SNX5: variants seen among roughly 807,000 people sequenced by gnomAD.
SNX5 encodes the protein sorting nexin-5.
A neutral mutation model predicts 53.9 loss-of-function variants in SNX5; 31 were observed. The observed-to-expected ratio is 0.58, with a 90% CI of 0.43 to 0.78. The LOEUF (loss-of-function observed/expected upper bound fraction) is 0.78. SNX5 is among the 30% of genes least tolerant of loss of function. The probability of loss-of-function intolerance (pLI) is 0.00; values close to 1 mark genes in which losing one functional copy is unlikely to be tolerated. For missense variants in SNX5, 471 were observed against 478.8 expected (o/e 0.98, Z 0.15); for synonymous variants, 168 against 171.1 (o/e 0.98, Z 0.14).
chr20:17,956,015 G>A (rs930158005), intron 2 of SNX5, among the ~76,000 whole-genome samples: 4 of 152,160 alleles, frequency 2.6e-5, no homozygotes, highest in East Asian at 1.9e-4. Flanking sequence ...AGGCTCAAAC[G>A]ATCTGCCCAT....
At chr20:17,962,198 CT>C (rs71194211) in intron 1 of SNX5, 3,361 of 133,798 alleles carry the variant, frequency 0.025, 41 homozygotes, top group African/African-American at 0.06. Context: ...ATTAACTCTG[CT>C]TTTTTTTTTT....
At chr20:17,944,300 G>A (rs1243086928) in intron 11 of SNX5, 2 of 152,032 alleles carry the variant, frequency 1.3e-5, no homozygotes, top group Non-Finnish European at 2.9e-5. Context: ...AATATATATT[G>A]AAACAGCAAA....
intron 1 of SNX5, chr20:17,967,984 T>G (rs1052510372): frequency 2.5e-5 from 10 of 397,732 alleles, no homozygotes; most frequent in African/African-American, 1.9e-4. Context: ...GAGGGTATTT[T>G]GGGGGCAACA....
chr20:17,961,338 A>C (rs2035444738), intron 1 of SNX5: 2 of 985,350 alleles, frequency 2.0e-6, no homozygotes, highest in African/African-American at 3.5e-5. Context: ...TGAACAACAC[A>C]AAAGGCAAGA....
chr20:17,952,419 TTAAGC>T (rs2039583178), intron 5 of SNX5, among the ~76,000 whole-genome samples, 163 bp downstream of exon 5: 2 of 152,168 alleles, frequency 1.3e-5, no homozygotes. Flanking sequence ...AAAATTTTCT[TTAAGC>T]AGAGTTTTAC....
At position 17,947,650 on chromosome 20, in the gene SNX5, G is replaced by GA. The variant is rs1198898657; in HGVS notation, c.919-6dup. The GA allele has an allele frequency of 2.6e-5, 42 of 1,603,188 alleles. No homozygotes were observed. The highest frequency in any genetic ancestry group is 3.4e-5 in the Non-Finnish European group (40 of 1,176,604). On this transcript the variant is annotated splice_polypyrimidine_tract_variant and splice_region_variant and intron_variant, in intron 10 of 12. Transcript: ENST00000377759. ...GGTGCGTCTGTATAAGAGATCCTGG[G>GA]AAAAAAATTAACAGGTATACATACT...
chr20:17,949,387 G>A (rs766996031), intron 8 of SNX5, among the ~76,000 whole-genome samples: 6 of 152,136 alleles, frequency 3.9e-5, no homozygotes, highest in Non-Finnish European at 5.9e-5. Flanking sequence ...TGTAAACCAA[G>A]GTTGGTTTCT....
At chr20:17,953,472 A>G (rs559231718) in intron 4 of SNX5, among the ~76,000 whole-genome samples, 6 of 152,338 alleles carry the variant, frequency 3.9e-5, no homozygotes, top group African/African-American at 1.4e-4. Flanking sequence ...GTTACTGAGA[A>G]TGCTACTCTA....
chr20:17,954,753 C>T (rs2035324932), intron 3 of SNX5, among the ~76,000 whole-genome samples: 1 of 152,188 alleles, frequency 6.6e-6, no homozygotes, highest in Non-Finnish European at 1.5e-5. Context: ...CTCTGTCACC[C>T]AGGCTGGAGT....
chr20:17,944,823 GCGTGAGCCACT>G (rs2039465757), intron 11 of SNX5: 1 of 152,258 alleles, frequency 6.6e-6, no homozygotes. Context: ...GGGATTACAG[GCGTGAGCCACT>G]GCACCCAGCC....
At chr20:17,955,866 T>C (rs2035343764) in intron 2 of SNX5, among the ~76,000 whole-genome samples, 1 of 152,252 alleles carries the variant, frequency 6.6e-6, no homozygotes, top group South Asian at 2.1e-4. Flanking sequence ...GCTTCTTGGC[T>C]CACTGCAACC....
At chr20:17,968,065 G>T (rs2035586916) in intron 1 of SNX5, 1 of 398,664 alleles carries the variant, frequency 2.5e-6, no homozygotes, top group East Asian at 3.6e-5. Flanking sequence ...GCCGAGGAAA[G>T]TTTTAAAAAG....
chr20:17,946,933 T>C (rs1218244484), intron 11 of SNX5, among the ~76,000 whole-genome samples: 1 of 152,216 alleles, frequency 6.6e-6, no homozygotes, highest in Non-Finnish European at 1.5e-5. Context: ...ACTTCTATTC[T>C]GCCAGGAGCC....
chr20:17,943,050 T>A, intron 12 of SNX5, 60 bp downstream of exon 12: 2 of 1,226,784 alleles, frequency 1.6e-6, no homozygotes, highest in Non-Finnish European at 2.4e-6. Flanking sequence ...GTTAGTAAAC[T>A]GGGAAATAAC....
intron 6 of SNX5, chr20:17,951,260 G>A: frequency 2.1e-6 from 1 of 467,836 alleles, no homozygotes; most frequent in Non-Finnish European, 3.9e-6. Flanking sequence ...CCTCCTTACA[G>A]AAAAGGAGAA....
chr20:17,968,151 C>T (rs911145493), intron 1 of SNX5: 1 of 402,654 alleles, frequency 2.5e-6, no homozygotes, highest in Non-Finnish European at 4.4e-6. Flanking sequence ...TAAGGTCCCG[C>T]GTCTCTGGTT....
intron 11 of SNX5, among the ~76,000 whole-genome samples, chr20:17,946,034 T>C (rs1354441224): frequency 1.3e-5 from 2 of 152,236 alleles, no homozygotes; most frequent in Non-Finnish European, 2.9e-5. Flanking sequence ...ACATGTTCCA[T>C]GGCCCCTGAG....
intron 1 of SNX5, among the ~76,000 whole-genome samples, chr20:17,965,391 TGAG>T (rs764707559): frequency 5.2e-4 from 79 of 152,278 alleles, no homozygotes; most frequent in South Asian, 1.2e-3. Flanking sequence ...TCTCACCGAA[TGAG>T]GAGTTTACAG....
chr20:17,950,213 GA>G lies in SNX5; in HGVS notation c.716-7del. ...GATATAGTCATCGGCAACATCTGCA[GA>G]AACAAGGACAAGTCTTTTTATCCAA... On this transcript the variant is annotated splice_polypyrimidine_tract_variant and splice_region_variant and intron_variant, in intron 7 of 12. Transcript: ENST00000377759. 1 of 1,614,134 alleles carries G rather than the reference GA, an allele frequency of 6.2e-7. No individual in the cohort carries two copies. The highest frequency in any genetic ancestry group is 1.1e-5 in the South Asian group (1 of 91,086).
Sources: gnomAD v4.1 joint callset for allele counts (sites outside exome capture counted in the v4.1 genomes callset) on GRCh38, gnomAD v4.1.1 for gene constraint, MANE v1.5 for transcripts, NCBI Gene and HGNC (gene_info 2026-07-23, HGNC 2026-07-21) for gene names.